Variants in RP1L1 observed in about 807,000 individuals in gnomAD.
RP1L1 encodes the protein RP1 like 1, also known as retinitis pigmentosa 1-like 1 protein.
Under a neutral mutation model 15.7 loss-of-function variants are expected in RP1L1, and 27 were observed. The ratio of observed to expected loss-of-function variants is 1.72; its 90% CI spans 1.27 to 2.38. The LOEUF is 2.38. Among genes scored for constraint, RP1L1 ranks in the 30% most tolerant of loss-of-function variants. The pLI, the probability that RP1L1 is intolerant of heterozygous loss-of-function variation, is 0.00. For synonymous variants in RP1L1, 1,813 were observed against 1,276.7 expected (o/e 1.42, Z -8.96); for missense variants, 4,798 against 3,075.9 (o/e 1.56, Z -13.24).
intron 1 of RP1L1, among the ~76,000 whole-genome samples, chr8:10,637,365 G>A (rs1384638539): frequency 6.6e-6 from 1 of 152,206 alleles, no homozygotes; most frequent in Non-Finnish European, 1.5e-5. Flanking sequence ...AAGACTTAAT[G>A]AGGACCTCCT....
chr8:10,647,888 G>A (rs1298813822), intron 1 of RP1L1, among the ~76,000 whole-genome samples: 2 of 152,166 alleles, frequency 1.3e-5, no homozygotes, highest in Non-Finnish European at 2.9e-5. Flanking sequence ...TATGACAATT[G>A]TACATTTAAT....
intron 1 of RP1L1, among the ~76,000 whole-genome samples, chr8:10,624,395 C>T (rs1021268461): frequency 3.9e-5 from 6 of 152,196 alleles, no homozygotes; most frequent in Non-Finnish European, 5.9e-5. Flanking sequence ...CTCACACATA[C>T]ACCACAATAT....
chr8:10,625,398 C>T (rs1368830966), intron 1 of RP1L1, among the ~76,000 whole-genome samples: 1 of 151,156 alleles, frequency 6.6e-6, no homozygotes, highest in African/African-American at 2.4e-5. Flanking sequence ...CGAGGAAATG[C>T]TGGGAGGAAA....
intron 1 of RP1L1, among the ~76,000 whole-genome samples, chr8:10,640,141 T>C (rs1451289964): frequency 2.0e-5 from 3 of 152,210 alleles, no homozygotes; most frequent in Non-Finnish European, 4.4e-5. Flanking sequence ...GTGAGATTGA[T>C]AATGGCCTTA....
Position 10,606,785 on chromosome 8 carries a change from C to G in RP1L1, c.*110G>C. On this transcript the variant is annotated 3_prime_UTR_variant, in exon 4 of 4. Transcript: ENST00000382483. ...TCCTTGGCAAGTCCTTGGTCTTTGTCCATGTACTATGGACATCTCCAGTGG... is the reference window on the plus strand; with the variant it reads ...TCCTTGGCAAGTCCTTGGTCTTTGTGCATGTACTATGGACATCTCCAGTGG... 6.4e-7 allele frequency: 1 copy of G among 1,562,604 alleles called. No homozygotes were observed. Among genetic ancestry groups the G allele is most frequent in the Non-Finnish European group, 8.6e-7 (1 of 1,159,196 alleles).
intron 1 of RP1L1, among the ~76,000 whole-genome samples, chr8:10,627,074 G>T (rs921621922): frequency 6.6e-6 from 1 of 152,136 alleles, no homozygotes; most frequent in African/African-American, 2.4e-5. Context: ...AAACAGTATG[G>T]CGGGTCCTCA....
rs1299872713 is a variant in RP1L1 at position 10,611,014 on chromosome 8, G to C, written c.3084C>G (p.Leu1028=). 1 of 1,612,642 alleles carries C rather than the reference G, an allele frequency of 6.2e-7. No individual in the cohort carries two copies. The highest frequency in any genetic ancestry group is 2.2e-5 in the East Asian group (1 of 44,888). The change falls in exon 4 of 4, where the codon CTC becomes CTG. Residue 1028 remains leucine, a synonymous_variant. Transcript: ENST00000382483. ...GGGGACCAGTGTCACTACTCCCCAG[G>C]AGGGCTCCCTCTGGCTCTGGGTCCT... ...PGQDPEPEGA[L]LGSSDTGPQS...
intron 2 of RP1L1, among the ~76,000 whole-genome samples, chr8:10,617,784 C>G (rs1585975340): frequency 6.6e-6 from 1 of 152,058 alleles, no homozygotes; most frequent in South Asian, 2.1e-4. Flanking sequence ...TCTCGATCTC[C>G]TGACCTCGTG....
At position 10,606,408 on chromosome 8, in the gene RP1L1, T is replaced by G. The variant is rs544710613; in HGVS notation, c.*487A>C. On this transcript the variant is annotated 3_prime_UTR_variant, in exon 4 of 4. Coordinates refer to ENST00000382483, the MANE Select transcript of RP1L1 (RefSeq NM_178857.6). ...TGAAGTTACCTGCTTTGCCCAAGTATTTCTGCAGAGTCATCAAATATATTC... is the reference window on the plus strand; with the variant it reads ...TGAAGTTACCTGCTTTGCCCAAGTAGTTCTGCAGAGTCATCAAATATATTC... The G allele has an allele frequency of 1.3e-5, 2 of 156,658 alleles. No homozygotes were observed. Among genetic ancestry groups the G allele is most frequent in the Non-Finnish European group, 2.8e-5 (2 of 70,788 alleles). The allele number at this position is 156,658 out of a possible 1,614,324, so 9.7% of individuals were successfully genotyped here. A position where few individuals can be genotyped will look rare whatever the true frequency, so the allele number is the denominator to read the frequency against.
intron 1 of RP1L1, among the ~76,000 whole-genome samples, chr8:10,649,205 A>G (rs753639883): frequency 4.6e-5 from 7 of 152,232 alleles, no homozygotes; most frequent in Non-Finnish European, 8.8e-5. Context: ...TTCTTCCAGC[A>G]AAACCGATTC....
At chr8:10,623,937 C>T (rs893286359) in intron 1 of RP1L1, among the ~76,000 whole-genome samples, 38 of 151,246 alleles carry the variant, frequency 2.5e-4, no homozygotes, top group Non-Finnish European at 5.0e-4. Flanking sequence ...CCACTGTGTC[C>T]CCAGCACCTC....
chr8:10,646,087 G>A (rs963398725), intron 1 of RP1L1, among the ~76,000 whole-genome samples: 1 of 152,196 alleles, frequency 6.6e-6, no homozygotes, highest in Non-Finnish European at 1.5e-5. Flanking sequence ...TCTAAGCTGG[G>A]GGGACAGGCA....
At chr8:10,628,639 G>T (rs1160997038) in intron 1 of RP1L1, among the ~76,000 whole-genome samples, 2 of 152,164 alleles carry the variant, frequency 1.3e-5, no homozygotes, top group Non-Finnish European at 2.9e-5. Context: ...AAGAAGAAAA[G>T]AAATCACGTT....
chr8:10,611,205 G>C lies in RP1L1; in HGVS notation c.2893C>G (p.Pro965Ala), dbSNP rs1797845103. ...AVVREWLDNI[P>A]EEPILMTYEL... ...TATGTCATGAGTATGGGCTCTTCTG[G>C]AATGTTGTCCAGCCATTCGCGGACC... The change falls in exon 4 of 4, where the codon CCA (proline) becomes GCA (alanine). Residue 965 changes from proline (P) to alanine (A), a missense_variant. Pro to Ala is a conservative substitution (Grantham distance 27). Transcript: ENST00000382483. 2 of 1,612,838 alleles carry C rather than the reference G, an allele frequency of 1.2e-6. No individual in the cohort carries two copies. The highest frequency in any genetic ancestry group is 1.3e-5 in the African/African-American group (1 of 74,924).
At chr8:10,642,105 AG>A (rs1348917647) in intron 1 of RP1L1, among the ~76,000 whole-genome samples, 1 of 152,218 alleles carries the variant, frequency 6.6e-6, no homozygotes, top group Non-Finnish European at 1.5e-5. Flanking sequence ...AAGACTATAC[AG>A]GTGATCCCTC....
chr8:10,630,721 C>G (rs142176663), intron 1 of RP1L1, among the ~76,000 whole-genome samples: 30 of 152,320 alleles, frequency 2.0e-4, no homozygotes, highest in African/African-American at 6.7e-4. Context: ...TCTAAATTCA[C>G]GTCTTGCACA....
rs760794558 is a variant in RP1L1 at position 10,608,155 on chromosome 8, C to G, written c.5943G>C (p.Glu1981Asp). 6.2e-7 allele frequency: 1 copy of G among 1,606,580 alleles called. No individual in the cohort carries two copies. Among genetic ancestry groups the G allele is most frequent in the Non-Finnish European group, 8.5e-7 (1 of 1,178,378 alleles). ...CTGCCTCCTGGGTCTCCACTTCAAC[C>G]TCCAGGGCCTCTACATCTTCTGACT... ...QPESEDVEAL[E>D]VEVETQEAEG... The change falls in exon 4 of 4, where the codon GAG becomes GAC. Residue 1981 changes from glutamate (E) to aspartate (D), a missense_variant. By Grantham distance (45) the Glu-to-Asp change is conservative (BLOSUM62 2). Coordinates refer to ENST00000382483, the MANE Select transcript of RP1L1 (RefSeq NM_178857.6).
rs779020216 is a variant in RP1L1, at chr8:10,616,579, C to G, written c.618G>C (p.Ser206=). 2.5e-6 allele frequency: 4 copies of G among 1,612,086 alleles called. No homozygotes were observed. The highest frequency in any genetic ancestry group is 3.4e-6 in the Non-Finnish European group (4 of 1,179,694). Residue 206 remains serine (S), a synonymous_variant, in exon 3 of 4, where the codon TCG becomes TCC. Transcript: ENST00000382483. The part of the protein sequence containing the change: ...LYTTSGKKVD[S]LQALLHSPSV... ...AGGGGCTGTGCAGCAGGGCCTGCAG[C>G]GAGTCCACCTGAGGGAGGAGCGGGC...
At position 10,611,251 on chromosome 8, in the gene RP1L1, G is replaced by A. The variant is rs1328537697; in HGVS notation, c.2847C>T (p.Pro949=). The A allele has an allele frequency of 6.2e-7, 1 of 1,612,998 alleles. No homozygotes were observed. The highest frequency in any genetic ancestry group is 8.5e-7 in the Non-Finnish European group (1 of 1,180,008). ...GGACCACAGCCTCTGGAGACGAGCGGGGCAGAGAGCTGGGTGACACACCAC... is the reference window on the plus strand; with the variant it reads ...GGACCACAGCCTCTGGAGACGAGCGAGGCAGAGAGCTGGGTGACACACCAC... ...EASGVSPSSL[P]RSSPEAVVRE... The change falls in exon 4 of 4, where the codon CCC becomes CCT. Residue 949 remains proline (P), a synonymous_variant. Coordinates refer to ENST00000382483, the MANE Select transcript of RP1L1 (RefSeq NM_178857.6).
Sources: gnomAD v4.1 joint callset for allele counts (sites outside exome capture counted in the v4.1 genomes callset) on GRCh38, gnomAD v4.1.1 for gene constraint, MANE v1.5 for transcripts, NCBI Gene and HGNC (gene_info 2026-07-23, HGNC 2026-07-21) for gene names.